The following PLEKHA5 variants were observed in gnomAD, a reference collection of about 807,000 sequenced individuals.
PLEKHA5 encodes the protein pleckstrin homology domain containing A5, also known as pleckstrin homology domain-containing family A member 5.
In PLEKHA5, 55 loss-of-function variants were observed where a neutral mutation model predicts 181.9. The ratio of observed to expected loss-of-function variants is 0.30; its 90% confidence interval spans 0.24 to 0.38. The LOEUF (loss-of-function observed/expected upper bound fraction) is 0.38, where lower values mean the gene tolerates loss of function less well. Ranked by LOEUF, PLEKHA5 falls within the 10% of genes least tolerant of loss-of-function variation. The probability of loss-of-function intolerance (pLI) is 1.00; values close to 1 mark genes in which losing one functional copy is unlikely to be tolerated. For missense variants in PLEKHA5, 1,432 were observed against 1,549.5 expected, an observed-to-expected ratio of 0.92 and a Z score of 1.27; for synonymous variants, 535 against 529.4, an observed-to-expected ratio of 1.01 and a Z score of -0.15.
intron 13 of PLEKHA5, among the ~76,000 whole-genome samples, chr12:19,288,398 C>T (rs1371354406): frequency 6.6e-6 from 1 of 152,192 alleles, no homozygotes; most frequent in Non-Finnish European, 1.5e-5. Context: ...ATTAGCAGGA[C>T]ACTTCTTCTA....
chr12:19,162,488 C>G (rs1386377592), intron 3 of PLEKHA5, among the ~76,000 whole-genome samples: 4 of 151,286 alleles, frequency 2.6e-5, no homozygotes, highest in Non-Finnish European at 2.9e-5. Flanking sequence ...TTACCTTGTA[C>G]CCTTTAAAAA....
chr12:19,305,830 A>G lies in PLEKHA5; in HGVS notation c.2038-8984A>G, dbSNP rs187057089. Among the ~76,000 whole-genome samples the G allele has an allele frequency of 3.6e-3, 421 of 116,512 alleles. 2 individuals are homozygous for G. The highest frequency in any genetic ancestry group is 0.013 in the African/African-American group (406 of 31,976). 76.4% of individuals were successfully genotyped at this position (116,512 alleles called of 152,430 possible). A position where few individuals can be genotyped will look rare whatever the true frequency, so the allele number is the denominator to read the frequency against. ...AGCCAAGATTGCGCCATTGCCCTCC[A>G]GCCTGGGGCAACAACAGCAAAACTC... On this transcript the variant is annotated intron_variant, in intron 15 of 31. Coordinates refer to ENST00000429027, the MANE Select transcript of PLEKHA5 (RefSeq NM_001256470.2).
At chr12:19,252,490 T>G (rs999174141) in intron 3 of PLEKHA5, among the ~76,000 whole-genome samples, 3 of 152,158 alleles carry the variant, frequency 2.0e-5, no homozygotes, top group Admixed American at 6.5e-5. Context: ...CTAATATTTT[T>G]GGCTTAAATA....
At chr12:19,313,823 T>C (rs1310806084) in intron 15 of PLEKHA5, among the ~76,000 whole-genome samples, 1 of 152,134 alleles carries the variant, frequency 6.6e-6, no homozygotes, top group Non-Finnish European at 1.5e-5. Context: ...AATATAATTG[T>C]CTAGAAAAAG....
chr12:19,317,678 T>C (rs2089351881), intron 16 of PLEKHA5, among the ~76,000 whole-genome samples: 1 of 151,774 alleles, frequency 6.6e-6, no homozygotes, highest in Non-Finnish European at 1.5e-5. Flanking sequence ...AATTAACATA[T>C]GTAACTTTGT....
At chr12:19,144,142 T>A (rs2038231682) in intron 3 of PLEKHA5, among the ~76,000 whole-genome samples, 1 of 152,204 alleles carries the variant, frequency 6.6e-6, no homozygotes, top group Non-Finnish European at 1.5e-5. Context: ...ATTTGAAAGG[T>A]AACTGATAGA....
At chr12:19,338,135 G>A (rs1307555118) in intron 21 of PLEKHA5, among the ~76,000 whole-genome samples, 1 of 152,098 alleles carries the variant, frequency 6.6e-6, no homozygotes, top group Non-Finnish European at 1.5e-5. Context: ...TTGGGCATAT[G>A]AAATGTGACT....
intron 26 of PLEKHA5, among the ~76,000 whole-genome samples, chr12:19,354,265 C>T (rs1469185164): frequency 1.4e-5 from 2 of 142,878 alleles, no homozygotes; most frequent in African/African-American, 5.1e-5. Flanking sequence ...CATTCTCCTG[C>T]CTTAGCCTCC....
chr12:19,269,939 C>A, intron 9 of PLEKHA5, 54 bp downstream of exon 9: 1 of 941,986 alleles, frequency 1.1e-6, no homozygotes, highest in Admixed American at 1.8e-5. Flanking sequence ...TTATTCCATG[C>A]CTTGCAAGTA....
chr12:19,144,829 A>T (rs1265170891), intron 3 of PLEKHA5, among the ~76,000 whole-genome samples: 1 of 152,216 alleles, frequency 6.6e-6, no homozygotes, highest in African/African-American at 2.4e-5. Flanking sequence ...ATAAAGTCAG[A>T]GACTTAGAAA....
intron 10 of PLEKHA5, among the ~76,000 whole-genome samples, chr12:19,271,946 G>C (rs2072970137): frequency 6.6e-6 from 1 of 152,182 alleles, no homozygotes; most frequent in African/African-American, 2.4e-5. Context: ...GTCATTCAAA[G>C]TGAAAGTAAG....
At chr12:19,154,286 T>A (rs189064706) in intron 3 of PLEKHA5, 171 of 152,284 alleles carry the variant, frequency 1.1e-3, no homozygotes, top group African/African-American at 3.9e-3. Flanking sequence ...ATATAATGAA[T>A]CTTTTTCCAG....
intron 27 of PLEKHA5, among the ~76,000 whole-genome samples, chr12:19,358,737 G>C (rs900292032): frequency 6.6e-6 from 1 of 151,966 alleles, no homozygotes; most frequent in Non-Finnish European, 1.5e-5. Context: ...AAAATAAAAG[G>C]GTTTTCAACA....
chr12:19,149,203 T>C (rs1322552739), intron 3 of PLEKHA5, among the ~76,000 whole-genome samples: 1 of 152,172 alleles, frequency 6.6e-6, no homozygotes, highest in Non-Finnish European at 1.5e-5. Context: ...GTATCAGTTA[T>C]TGCTCTATGA....
At chr12:19,214,482 G>C (rs905538463) in intron 3 of PLEKHA5, among the ~76,000 whole-genome samples, 2 of 152,156 alleles carry the variant, frequency 1.3e-5, no homozygotes, top group African/African-American at 4.8e-5. Flanking sequence ...GAATGGGAGT[G>C]ACTAAAGTGT....
At chr12:19,220,750 A>T (rs1163193261) in intron 3 of PLEKHA5, among the ~76,000 whole-genome samples, 1 of 152,208 alleles carries the variant, frequency 6.6e-6, no homozygotes, top group Admixed American at 6.5e-5. Flanking sequence ...TCTATTGTCT[A>T]GCAAATTATG....
intron 3 of PLEKHA5, among the ~76,000 whole-genome samples, chr12:19,229,983 A>G (rs755446602): frequency 6.6e-6 from 1 of 152,104 alleles, no homozygotes; most frequent in Non-Finnish European, 1.5e-5. Flanking sequence ...CAGAGTGCTG[A>G]TTGGTGTATT....
At chr12:19,231,310 T>G (rs371046718) in intron 3 of PLEKHA5, among the ~76,000 whole-genome samples, 1 of 152,104 alleles carries the variant, frequency 6.6e-6, no homozygotes, top group South Asian at 2.1e-4. Context: ...ATAATAGATA[T>G]TGTTAGTAAA....
chr12:19,203,816 T>G (rs752470199), intron 3 of PLEKHA5, among the ~76,000 whole-genome samples: 26 of 151,130 alleles, frequency 1.7e-4, no homozygotes, highest in Non-Finnish European at 3.5e-4. Context: ...ATATAACCTG[T>G]TCTCAAATAA....
Sources: gnomAD v4.1 joint callset for allele counts (sites outside exome capture counted in the v4.1 genomes callset) on GRCh38, gnomAD v4.1.1 for gene constraint, MANE v1.5 for transcripts, NCBI Gene and HGNC (gene_info 2026-07-23, HGNC 2026-07-21) for gene names.